Variants in NUMB observed in about 807,000 individuals in gnomAD.
The protein encoded by NUMB is protein numb homolog.
In NUMB, 29 loss-of-function variants were observed where a neutral mutation model predicts 59.7. The observed-to-expected ratio is 0.49, with a 90% CI of 0.36 to 0.66. NUMB has a LOEUF of 0.66. Ranked by LOEUF, NUMB falls within the 30% of genes least tolerant of loss-of-function variation. The pLI is 0.00. For missense variants in NUMB, 723 were observed against 822.0 expected, an observed-to-expected ratio of 0.88 and a Z score of 1.47; for synonymous variants, 288 against 288.2, an observed-to-expected ratio of 1.00 and a Z score of 0.01.
intron 2 of NUMB, among the ~76,000 whole-genome samples, chr14:73,390,444 A>G (rs1352122862): frequency 2.0e-5 from 3 of 152,048 alleles, no homozygotes; most frequent in African/African-American, 4.8e-5. Context: ...TGTATTTATC[A>G]AAGGAATTTT....
chr14:73,356,164 T>C (rs1433224475), intron 3 of NUMB, among the ~76,000 whole-genome samples: 1 of 152,158 alleles, frequency 6.6e-6, no homozygotes, highest in East Asian at 1.9e-4. Flanking sequence ...AATTTGTACA[T>C]GTAGACCAAA....
At chr14:73,403,059 G>C (rs1285162684) in intron 2 of NUMB, among the ~76,000 whole-genome samples, 1 of 152,178 alleles carries the variant, frequency 6.6e-6, no homozygotes, top group Non-Finnish European at 1.5e-5. Context: ...GACGAAAACA[G>C]CTGGAGGTGA....
At chr14:73,283,974 T>G (rs1317175306) in intron 10 of NUMB, 107 bp downstream of exon 10, 3 of 1,081,926 alleles carry the variant, frequency 2.8e-6, no homozygotes, top group Non-Finnish European at 4.1e-6. Context: ...TCAACGAACC[T>G]CAGGGAAAGA....
intron 1 of NUMB, among the ~76,000 whole-genome samples, chr14:73,414,173 T>A (rs1051476743): frequency 6.6e-6 from 1 of 152,026 alleles, no homozygotes; most frequent in Admixed American, 6.6e-5. Flanking sequence ...GCCAGGCTGG[T>A]CTCAAACTCC....
At chr14:73,358,360 A>C (rs1190166349) in intron 3 of NUMB, among the ~76,000 whole-genome samples, 1 of 152,208 alleles carries the variant, frequency 6.6e-6, no homozygotes, top group African/African-American at 2.4e-5. Context: ...GACAAAGTTC[A>C]AATGCATGGT....
intron 1 of NUMB, among the ~76,000 whole-genome samples, chr14:73,439,559 T>C (rs1460321277): frequency 6.6e-6 from 1 of 152,236 alleles, no homozygotes; most frequent in Non-Finnish European, 1.5e-5. Context: ...ATATTAATTA[T>C]GGATTTAAAT....
intron 1 of NUMB, among the ~76,000 whole-genome samples, chr14:73,413,587 G>A (rs1002366366): frequency 2.0e-5 from 3 of 151,516 alleles, no homozygotes; most frequent in Non-Finnish European, 2.9e-5. Flanking sequence ...GTAAGACCTC[G>A]TCTCTACCAA....
intron 2 of NUMB, among the ~76,000 whole-genome samples, chr14:73,385,159 T>C (rs1895443524): frequency 6.6e-6 from 1 of 151,510 alleles, no homozygotes; most frequent in South Asian, 2.1e-4. Flanking sequence ...GGAACTGAAG[T>C]TTTATTTTAT....
At chr14:73,355,827 T>C (rs2140021329) in intron 3 of NUMB, 61 bp from the exon 4 acceptor site, 1 of 1,351,692 alleles carries the variant, frequency 7.4e-7, no homozygotes. Context: ...ATTTAAACTT[T>C]GGATTACCAT....
At chr14:73,376,567 T>C (rs973599526) in intron 2 of NUMB, among the ~76,000 whole-genome samples, 1 of 151,408 alleles carries the variant, frequency 6.6e-6, no homozygotes, top group African/African-American at 2.4e-5. Flanking sequence ...ATAAACTTTA[T>C]AAAGAGAAGC....
At chr14:73,380,108 CG>C (rs1484552359) in intron 2 of NUMB, among the ~76,000 whole-genome samples, 1 of 152,152 alleles carries the variant, frequency 6.6e-6, no homozygotes, top group African/African-American at 2.4e-5. Context: ...TTCCTGTTTG[CG>C]CCCCCAGCTC....
At chr14:73,282,618 G>C (rs1275120510) in intron 10 of NUMB, 113 bp from the exon 11 acceptor site, 3 of 1,152,034 alleles carry the variant, frequency 2.6e-6, no homozygotes, top group Non-Finnish European at 3.6e-6. Flanking sequence ...GTAAGAAAAG[G>C]CTCAATTAAC....
intron 1 of NUMB, among the ~76,000 whole-genome samples, chr14:73,418,882 G>A (rs1272021907): frequency 1.3e-5 from 2 of 151,678 alleles, no homozygotes; most frequent in African/African-American, 4.8e-5. Flanking sequence ...TATTATTTTT[G>A]AGTCCTATGG....
chr14:73,342,968 A>G (rs1892716871), intron 4 of NUMB, among the ~76,000 whole-genome samples: 1 of 150,764 alleles, frequency 6.6e-6, no homozygotes, highest in Admixed American at 6.6e-5. Flanking sequence ...CTGAGACCAC[A>G]GTCACATGCC....
intron 4 of NUMB, among the ~76,000 whole-genome samples, chr14:73,327,749 T>C (rs1891739236): frequency 6.6e-6 from 1 of 152,132 alleles, no homozygotes; most frequent in South Asian, 2.1e-4. Flanking sequence ...ATTTACTCAT[T>C]TTTAAAAAAC....
intron 11 of NUMB, 112 bp downstream of exon 11, chr14:73,282,247 A>G: frequency 1.1e-6 from 1 of 913,356 alleles, no homozygotes; most frequent in Admixed American, 3.0e-5. Context: ...AGAGAAATTA[A>G]TGGGTCTGAC....
intron 12 of NUMB, among the ~76,000 whole-genome samples, chr14:73,278,068 A>AC (rs71112724): frequency 9.3e-5 from 14 of 150,712 alleles, no homozygotes; most frequent in African/African-American, 2.7e-4. Flanking sequence ...AAAAAAAAAA[A>AC]CACCTAGCTT....
chr14:73,445,714 A>T lies in NUMB; in HGVS notation c.-233+12779T>A, dbSNP rs150175043. 4.0e-4 allele frequency among the ~76,000 whole-genome samples: 61 copies of T among 152,306 alleles called. 1 individual carries two copies. Among genetic ancestry groups the T allele is most frequent in the African/African-American group, 1.4e-3 (59 of 41,564 alleles). ...TTTAACTTTACATGGATTATCTCATATAACCTTCAAAGCCATTTATTTTGA... is the reference window on the plus strand; with the variant it reads ...TTTAACTTTACATGGATTATCTCATTTAACCTTCAAAGCCATTTATTTTGA... On this transcript the variant is annotated intron_variant, in intron 1 of 12. Coordinates refer to ENST00000555238, the MANE Select transcript of NUMB (RefSeq NM_001005743.2).
intron 6 of NUMB, among the ~76,000 whole-genome samples, chr14:73,299,770 AAGG>A (rs892877672): frequency 1.3e-5 from 2 of 152,138 alleles, no homozygotes; most frequent in African/African-American, 2.4e-5. Flanking sequence ...TTTCTATAAA[AAGG>A]AGAGCTGCAG....
Sources: gnomAD v4.1 joint callset for allele counts (sites outside exome capture counted in the v4.1 genomes callset) on GRCh38, gnomAD v4.1.1 for gene constraint, MANE v1.5 for transcripts, NCBI Gene and HGNC (gene_info 2026-07-23, HGNC 2026-07-21) for gene names.